HMGXB4: variants seen among roughly 807,000 people sequenced by gnomAD.
HMGXB4 encodes HMG domain-containing protein 4.
A neutral mutation model predicts 63.9 loss-of-function variants in HMGXB4; 27 were observed. The observed-to-expected ratio is 0.42, with a 90% CI of 0.31 to 0.58. The LOEUF is 0.58. HMGXB4 is among the 20% of genes least tolerant of loss of function. The probability of loss-of-function intolerance (pLI) is 0.13; values close to 1 mark genes in which losing one functional copy is unlikely to be tolerated. For missense variants in HMGXB4, 624 were observed against 700.7 expected, an observed-to-expected ratio of 0.89 and a Z score of 1.24; for synonymous variants, 264 against 265.3, an observed-to-expected ratio of 0.99 and a Z score of 0.05.
At chr22:35,260,017 ATCTT>A (rs1175793964) in intron 1 of HMGXB4, among the ~76,000 whole-genome samples, 2 of 152,202 alleles carry the variant, frequency 1.3e-5, no homozygotes, top group Admixed American at 1.3e-4. Context: ...CGATACAGTC[ATCTT>A]TCTTTCTTTC....
rs748502651 is a variant in HMGXB4, at chr22:35,265,400, C to T, written c.1012C>T (p.Arg338Ter). 1.2e-6 allele frequency: 2 copies of T among 1,613,732 alleles called. No individual in the cohort carries two copies. Among genetic ancestry groups the T allele is most frequent in the Non-Finnish European group, 8.5e-7 (1 of 1,179,974 alleles). ...KKDKEKHKEK[R>*]HSKSKRSLGL... is the part of the protein sequence containing the mutation. Reference sequence around the variant, plus strand: ...AGACAAGGAGAAGCATAAAGAGAAGCGACACTCCAAGTCCAAGAGAAGTTT... The same window carrying T: ...AGACAAGGAGAAGCATAAAGAGAAGTGACACTCCAAGTCCAAGAGAAGTTT... Residue 338 changes from arginine to a stop codon, truncating the protein, a stop_gained, in exon 5 of 11, where the codon CGA (arginine) becomes TGA (stop). Coordinates refer to ENST00000216106, the MANE Select transcript of HMGXB4 (RefSeq NM_001003681.3). LOFTEE classifies it high-confidence loss of function.
chr22:35,266,484 G>A (rs1923258563), intron 5 of HMGXB4, among the ~76,000 whole-genome samples: 1 of 152,154 alleles, frequency 6.6e-6, no homozygotes, highest in Non-Finnish European at 1.5e-5. Context: ...GTTGACTTTA[G>A]GGAGCTCACT....
At chr22:35,245,519 G>A in the HMGXB4 span, among the ~76,000 whole-genome samples, 7 of 151,828 alleles carry the variant, frequency 4.6e-5, no homozygotes, top group Admixed American at 1.3e-4. Context: ...TAAATGTAAC[G>A]TCTCTGTCAT....
intron 6 of HMGXB4, among the ~76,000 whole-genome samples, chr22:35,285,158 C>T (rs1461221522): frequency 6.6e-6 from 1 of 152,216 alleles, no homozygotes; most frequent in Non-Finnish European, 1.5e-5. Flanking sequence ...ATAATCTCAG[C>T]ACTTTGGGAG....
At chr22:35,277,955 C>G (rs768491473) in intron 5 of HMGXB4, among the ~76,000 whole-genome samples, 3 of 152,136 alleles carry the variant, frequency 2.0e-5, no homozygotes, top group Non-Finnish European at 4.4e-5. Context: ...GACACGTATC[C>G]GCCATCACAG....
the HMGXB4 span, among the ~76,000 whole-genome samples, chr22:35,244,632 G>T: frequency 1.3e-5 from 2 of 152,170 alleles, no homozygotes; most frequent in African/African-American, 4.8e-5. Flanking sequence ...TTATTTAAAG[G>T]TGTTTTTACC....
At chr22:35,276,334 T>A (rs1450345128) in intron 5 of HMGXB4, among the ~76,000 whole-genome samples, 1 of 152,244 alleles carries the variant, frequency 6.6e-6, no homozygotes, top group Non-Finnish European at 1.5e-5. Flanking sequence ...GTCATTGGCC[T>A]TGTTCAGGAA....
At chr22:35,292,574 T>C (rs984844308) in intron 9 of HMGXB4, among the ~76,000 whole-genome samples, 27 of 152,238 alleles carry the variant, frequency 1.8e-4, no homozygotes, top group African/African-American at 6.5e-4. Context: ...TATCAAAAGC[T>C]ACATACATGC....
intron 7 of HMGXB4, among the ~76,000 whole-genome samples, chr22:35,286,415 A>G (rs1378287838): frequency 6.6e-6 from 1 of 152,252 alleles, no homozygotes; most frequent in Non-Finnish European, 1.5e-5. Flanking sequence ...AACTGAGGAA[A>G]GTTATCCACT....
chr22:35,246,447 A>G, the HMGXB4 span, among the ~76,000 whole-genome samples: 3 of 151,522 alleles, frequency 2.0e-5, no homozygotes, highest in Non-Finnish European at 4.4e-5. Flanking sequence ...AATTTTTTGT[A>G]TTTTTTTAGT....
chr22:35,261,115 T>G (rs1291703469), intron 1 of HMGXB4, among the ~76,000 whole-genome samples: 1 of 152,250 alleles, frequency 6.6e-6, no homozygotes, highest in Non-Finnish European at 1.5e-5. Flanking sequence ...GAAGGACTTA[T>G]GAAATTGCTT....
At chr22:35,259,060 T>G (rs1922664015) in intron 1 of HMGXB4, among the ~76,000 whole-genome samples, 1 of 152,242 alleles carries the variant, frequency 6.6e-6, no homozygotes, top group African/African-American at 2.4e-5. Flanking sequence ...TCCTCCTGAT[T>G]ACTTTGGTCA....
chr22:35,242,445 T>C, the HMGXB4 span, among the ~76,000 whole-genome samples: 1 of 152,200 alleles, frequency 6.6e-6, no homozygotes, highest in African/African-American at 2.4e-5. Context: ...TGTGTAGAGT[T>C]GTTCAAAATA....
rs375276891 is a variant in HMGXB4 at position 35,282,215 on chromosome 22, C to T, written c.1216-1747C>T. ...TTGTTGAAACGGAGTCTCGCTCTGT[C>T]GCCCAGGCTGGAGTGCAGTGGTGCA... is the stretch of plus-strand genomic sequence containing the variant. On this transcript the variant is annotated intron_variant, in intron 5 of 10. Coordinates refer to ENST00000216106, the MANE Select transcript of HMGXB4 (RefSeq NM_001003681.3). 7.7e-4 allele frequency among the ~76,000 whole-genome samples: 117 copies of T among 152,278 alleles called. 3 individuals are homozygous for T. The highest frequency in any genetic ancestry group is 3.3e-4 in the Admixed American group (5 of 15,294).
At chr22:35,280,664 C>T (rs1288397566) in intron 5 of HMGXB4, among the ~76,000 whole-genome samples, 1 of 152,190 alleles carries the variant, frequency 6.6e-6, no homozygotes, top group African/African-American at 2.4e-5. Flanking sequence ...ACTTGAATGG[C>T]ATCTTCCGGA....
the HMGXB4 span, among the ~76,000 whole-genome samples, chr22:35,249,064 T>C: frequency 6.6e-6 from 1 of 152,168 alleles, no homozygotes; most frequent in Non-Finnish European, 1.5e-5. Context: ...ATAATTTTCT[T>C]TTCTTTTTTT....
chr22:35,288,313 A>G lies in HMGXB4; in HGVS notation c.1544A>G (p.Lys515Arg), dbSNP rs1219979250. The G allele has an allele frequency of 1.2e-6, 2 of 1,612,676 alleles. No homozygotes were observed. Among genetic ancestry groups the G allele is most frequent in the Admixed American group, 1.7e-5 (1 of 59,866 alleles). The change falls in exon 9 of 11, where the codon AAA becomes AGA. Residue 515 changes from lysine (K) to arginine (R), a missense_variant. Lys to Arg is a conservative substitution (Grantham distance 26, BLOSUM62 2). Transcript: ENST00000216106. The part of the protein sequence containing the change: ...TTMLLPASPA[K>R]APETEPIDVA... ...ATGCTGTTACCAGCCTCACCAGCCA[A>G]AGCCCCTGAGACAGAGCCCATTGAT...
At chr22:35,245,141 G>T in the HMGXB4 span, among the ~76,000 whole-genome samples, 1 of 152,000 alleles carries the variant, frequency 6.6e-6, no homozygotes, top group Non-Finnish European at 1.5e-5. Context: ...CAAAATGCGG[G>T]GACTACAGCT....
At chr22:35,249,227 T>G in the HMGXB4 span, among the ~76,000 whole-genome samples, 4 of 98,014 alleles carry the variant, frequency 4.1e-5, 2 homozygotes, top group East Asian at 1.2e-3. Context: ...CCTGTCTAAT[T>G]TTTGTATTTT....
Sources: allele counts gnomAD v4.1 joint callset (sites outside exome capture counted in the v4.1 genomes callset), GRCh38; gene constraint gnomAD v4.1.1; transcripts MANE v1.5; gene names NCBI Gene and HGNC (gene_info 2026-07-23, HGNC 2026-07-21).